Variants in SPAST observed in about 807,000 individuals in gnomAD.
The protein encoded by SPAST is spastic paraplegia 4 (autosomal dominant; spastin).
A neutral mutation model predicts 76.6 loss-of-function variants in SPAST; 30 were observed. The observed-to-expected ratio is 0.39, with a 90% confidence interval of 0.29 to 0.53. The LOEUF (loss-of-function observed/expected upper bound fraction) is 0.53. SPAST is among the 20% of genes least tolerant of loss of function. The probability of loss-of-function intolerance (pLI) is 0.68; values close to 1 mark genes in which losing one functional copy is unlikely to be tolerated. For missense variants in SPAST, 717 were observed against 770.5 expected (o/e 0.93, Z 0.82); for synonymous variants, 305 against 281.0 (o/e 1.09, Z -0.86).
intron 9 of SPAST, among the ~76,000 whole-genome samples, chr2:32,133,127 A>G (rs1006659923): frequency 1.3e-5 from 2 of 152,120 alleles, no homozygotes; most frequent in Non-Finnish European, 2.9e-5. Context: ...TTTTGGGAGG[A>G]ACTGCATCAT....
intron 15 of SPAST, among the ~76,000 whole-genome samples, chr2:32,146,885 A>C (rs1679905474): frequency 6.7e-6 from 1 of 150,098 alleles, no homozygotes; most frequent in Non-Finnish European, 1.5e-5. Context: ...AAAAAAGTAA[A>C]TACATAAAGT....
Position 32,108,700 on chromosome 2 carries a change from C to G in SPAST, c.683-5938C>G, listed in dbSNP as rs912965401. Among the ~76,000 whole-genome samples the G allele has an allele frequency of 3.9e-4, 59 of 150,256 alleles. 1 individual carries two copies. The highest frequency in any genetic ancestry group is 1.4e-3 in the African/African-American group (57 of 40,814). On this transcript the variant is annotated intron_variant, in intron 4 of 16. Coordinates refer to ENST00000315285, the MANE Select transcript of SPAST (RefSeq NM_014946.4). ...TCCTGGGCTCAATCATTTCTGCCGCCTCAGACTCCCAGAGTGTTGGGATTA... is the reference window on the plus strand; with the variant it reads ...TCCTGGGCTCAATCATTTCTGCCGCGTCAGACTCCCAGAGTGTTGGGATTA...
At chr2:32,110,141 T>TG (rs1327524364) in intron 4 of SPAST, among the ~76,000 whole-genome samples, 1 of 146,844 alleles carries the variant, frequency 6.8e-6, no homozygotes, top group Non-Finnish European at 1.5e-5. Context: ...TTTTTGGAGA[T>TG]GGAGTCTTGC....
chr2:32,088,712 A>G (rs1677590970), intron 2 of SPAST, among the ~76,000 whole-genome samples: 1 of 125,722 alleles, frequency 8.0e-6, no homozygotes, highest in Non-Finnish European at 1.7e-5. Context: ...CAGTAAGAGT[A>G]AAAAACAATT....
intron 1 of SPAST, among the ~76,000 whole-genome samples, chr2:32,077,638 C>G (rs1339426129): frequency 1.3e-5 from 2 of 152,188 alleles, no homozygotes; most frequent in East Asian, 1.9e-4. Context: ...TGCCTTCTAA[C>G]TCACATACTT....
intron 1 of SPAST, among the ~76,000 whole-genome samples, chr2:32,075,547 CTTTTTTTTT>C (rs773998404): frequency 5.8e-5 from 5 of 85,494 alleles, no homozygotes; most frequent in South Asian, 4.7e-4. Context: ...TGGCTTTTTT[CTTTTTTTTT>C]TTTTTTTTTT....
chr2:32,078,100 C>T (rs967271220), intron 1 of SPAST, among the ~76,000 whole-genome samples: 9 of 151,914 alleles, frequency 5.9e-5, no homozygotes, highest in South Asian at 2.1e-4. Context: ...ACGCCATTCT[C>T]CTGCCTCAGC....
rs184065892 is a variant in SPAST at position 32,101,952 on chromosome 2, A to G, written c.682+3061A>G. On this transcript the variant is annotated intron_variant, in intron 4 of 16. Transcript: ENST00000315285. ...CTTTTGGCTTAGGATTGTCTTGGCA[A>G]TGCAGGCTCTTTTTTGGTTCCATAT... is the stretch of plus-strand genomic sequence containing the variant. 5.8e-3 allele frequency among the ~76,000 whole-genome samples: 885 copies of G among 152,334 alleles called. 9 individuals are homozygous for G. Among genetic ancestry groups the G allele is most frequent in the African/African-American group, 0.015 (612 of 41,572 alleles).
Position 32,116,113 on chromosome 2 carries a change from T to C in SPAST, c.1005-6T>C. 6.2e-7 allele frequency: 1 copy of C among 1,607,502 alleles called. No homozygotes were observed. ...TCGTAGAACTAACTGAGGTCTTGTTTCTTAGTGGAACAGCTGTTAAATTTG... is the reference window on the plus strand; with the variant it reads ...TCGTAGAACTAACTGAGGTCTTGTTCCTTAGTGGAACAGCTGTTAAATTTG... On this transcript the variant is annotated splice_region_variant and splice_polypyrimidine_tract_variant and intron_variant, in intron 6 of 16. Coordinates refer to ENST00000315285, the MANE Select transcript of SPAST (RefSeq NM_014946.4).
chr2:32,099,454 G>A (rs1400534431), intron 4 of SPAST, among the ~76,000 whole-genome samples: 1 of 151,978 alleles, frequency 6.6e-6, no homozygotes, highest in African/African-American at 2.4e-5. Flanking sequence ...ATGTCTTTCT[G>A]TTTTGTTTTC....
chr2:32,154,779 A>G lies in SPAST; in HGVS notation c.*283A>G, dbSNP rs534157958. 9 of 378,550 alleles carry G rather than the reference A, an allele frequency of 2.4e-5. No homozygotes were observed. The highest frequency in any genetic ancestry group is 1.0e-4 in the African/African-American group (5 of 48,998). 23.4% of individuals were successfully genotyped at this position (378,550 alleles called of 1,614,324 possible). On this transcript the variant is annotated 3_prime_UTR_variant, in exon 17 of 17. Transcript: ENST00000315285. ...AACCTGATTCTGGTCTTCTTTACCA[A>G]TATAATCATAATGTAAATAATAATT... is the stretch of plus-strand genomic sequence containing the variant.
At chr2:32,086,843 T>C (rs1677502034) in intron 1 of SPAST, among the ~76,000 whole-genome samples, 1 of 152,202 alleles carries the variant, frequency 6.6e-6, no homozygotes, top group African/African-American at 2.4e-5. Flanking sequence ...AAAATTAATT[T>C]TCAAATATGT....
chr2:32,076,578 A>T (rs1676970312), intron 1 of SPAST, among the ~76,000 whole-genome samples: 1 of 152,152 alleles, frequency 6.6e-6, no homozygotes, highest in South Asian at 2.1e-4. Context: ...CTATGAGAGA[A>T]TTAATCAGGG....
At chr2:32,098,111 T>C (rs1677989789) in intron 3 of SPAST, among the ~76,000 whole-genome samples, 1 of 152,158 alleles carries the variant, frequency 6.6e-6, no homozygotes, top group South Asian at 2.1e-4. Context: ...ATCTACAGTT[T>C]TATTATAAGT....
chr2:32,145,039 C>A (rs759143445), intron 15 of SPAST, 32 bp downstream of exon 15: 3 of 1,496,964 alleles, frequency 2.0e-6, no homozygotes, highest in East Asian at 4.5e-5. Flanking sequence ...ACATTTAGAA[C>A]TATTTATTAT....
At chr2:32,093,584 T>C (rs1420255994) in intron 3 of SPAST, among the ~76,000 whole-genome samples, 1 of 152,190 alleles carries the variant, frequency 6.6e-6, no homozygotes, top group Non-Finnish European at 1.5e-5. Context: ...TCTAATAAAC[T>C]GTGTAACTTA....
intron 12 of SPAST, among the ~76,000 whole-genome samples, chr2:32,137,483 G>A (rs1257577904): frequency 6.6e-6 from 1 of 152,024 alleles, no homozygotes; most frequent in East Asian, 1.9e-4. Flanking sequence ...TCTTTTATTG[G>A]GCTTCATGAG....
At chr2:32,073,060 C>T (rs975676867) in intron 1 of SPAST, among the ~76,000 whole-genome samples, 1 of 148,588 alleles carries the variant, frequency 6.7e-6, no homozygotes. Context: ...GGACTTTATC[C>T]CTTGTTCTGT....
chr2:32,128,118 C>T (rs1573141849), intron 8 of SPAST: 2 of 359,892 alleles, frequency 5.6e-6, no homozygotes, highest in Non-Finnish European at 1.0e-5. Flanking sequence ...CGTCAGCTTC[C>T]TGAGTAGCTG....
Sources: gnomAD v4.1 joint callset for allele counts (sites outside exome capture counted in the v4.1 genomes callset) on GRCh38, gnomAD v4.1.1 for gene constraint, MANE v1.5 for transcripts, NCBI Gene and HGNC (gene_info 2026-07-23, HGNC 2026-07-21) for gene names.